The following PRRC2C variants were observed in gnomAD, a reference collection of about 807,000 sequenced individuals.
PRRC2C encodes the protein proline rich coiled-coil 2C.
Under a neutral mutation model 317.2 loss-of-function variants are expected in PRRC2C, and 72 were observed. The observed-to-expected ratio is 0.23, with a 90% confidence interval of 0.19 to 0.28. PRRC2C has a LOEUF of 0.28. Ranked by LOEUF, PRRC2C falls within the 10% of genes least tolerant of loss-of-function variation. The probability of loss-of-function intolerance (pLI) is 1.00; values close to 1 mark genes in which losing one functional copy is unlikely to be tolerated. For synonymous variants in PRRC2C, 1,296 were observed against 1,205.9 expected (o/e 1.07, Z -1.55); for missense variants, 3,074 against 3,459.7 (o/e 0.89, Z 2.80).
intron 11 of PRRC2C, 126 bp from the exon 12 acceptor site, chr1:171,532,217 T>A: frequency 1.0e-6 from 1 of 984,676 alleles, no homozygotes; most frequent in Non-Finnish European, 1.5e-6. Flanking sequence ...GTGTTTTCAT[T>A]TTAATGTGTA....
At chr1:171,555,046 C>T (rs1437802634) in intron 18 of PRRC2C, among the ~76,000 whole-genome samples, 10 of 152,162 alleles carry the variant, frequency 6.6e-5, no homozygotes, top group African/African-American at 1.9e-4. Context: ...GGATAATATC[C>T]GGAAGAATGT....
intron 25 of PRRC2C, among the ~76,000 whole-genome samples, chr1:171,575,688 T>C (rs372989562): frequency 6.6e-5 from 10 of 152,232 alleles, no homozygotes; most frequent in African/African-American, 2.4e-4. Context: ...TGTAATCTTT[T>C]CATTGAACTA....
chr1:171,591,431 A>G, intron 34 of PRRC2C, 156 bp from the exon 35 acceptor site: 1 of 767,418 alleles, frequency 1.3e-6, no homozygotes, highest in South Asian at 2.9e-5. Flanking sequence ...AAATCTATTC[A>G]TTAAAAGCTC....
At chr1:171,494,324 A>G (rs1166435726) in intron 1 of PRRC2C, among the ~76,000 whole-genome samples, 1 of 152,226 alleles carries the variant, frequency 6.6e-6, no homozygotes, top group Non-Finnish European at 1.5e-5. Flanking sequence ...TATCCTGATT[A>G]GAACTCCAGC....
intron 27 of PRRC2C, 124 bp downstream of exon 27, chr1:171,579,590 C>T: frequency 7.1e-7 from 1 of 1,417,426 alleles, no homozygotes; most frequent in Non-Finnish European, 9.2e-7. Context: ...GCTTGATATT[C>T]TATAAGCAAA....
Position 171,535,420 on chromosome 1 carries a change from T to C in PRRC2C, c.1874-8T>C, listed in dbSNP as rs1319350768. On this transcript the variant is annotated splice_polypyrimidine_tract_variant and splice_region_variant and intron_variant, in intron 12 of 34. Coordinates refer to ENST00000647382, the MANE Select transcript of PRRC2C (RefSeq NM_001387844.1). ...AATACTATTACCTTTCACCTTTTCT[T>C]TGAGCAGAGGAGGAACCCGTTTTCA... 1 of 1,608,756 alleles carries C rather than the reference T, an allele frequency of 6.2e-7. No individual in the cohort carries two copies. The highest frequency in any genetic ancestry group is 2.2e-5 in the East Asian group (1 of 44,822).
Position 171,589,307 on chromosome 1 carries a change from A to AG in PRRC2C, c.8200-61dup. On this transcript the variant is annotated intron_variant, in intron 33 of 34. Coordinates refer to ENST00000647382, the MANE Select transcript of PRRC2C (RefSeq NM_001387844.1). ...GATGAGCCAACCTGGTCTAGTTGGC[A>AG]GTTTTTTTTTTTTTTTTTTTTTTAA... 3.2e-5 allele frequency: 19 copies of AG among 600,750 alleles called. No homozygotes were observed. In the East Asian group the frequency reaches 9.6e-4, roughly 30 times the overall value. The allele number at this position is 600,750 out of a possible 1,614,324, so 37.2% of individuals were successfully genotyped here.
chr1:171,545,507 A>G lies in PRRC2C; in HGVS notation c.4792A>G (p.Thr1598Ala), dbSNP rs768351984. 1.3e-6 allele frequency: 2 copies of G among 1,578,644 alleles called. No individual in the cohort carries two copies. Among genetic ancestry groups the G allele is most frequent in the Non-Finnish European group, 8.6e-7 (1 of 1,161,632 alleles). ...GPFDDQPAGT[T>A]GVDLINGSSA... ...ATTTGATGACCAGCCTGCAGGCACA[A>G]CTGGGGTTGACCTCATCAATGGCAG... The change falls in exon 17 of 35, where the codon ACT (threonine) becomes GCT (alanine). Residue 1598 changes from threonine to alanine, a missense_variant. Thr to Ala is a moderately conservative substitution (Grantham distance 58). Transcript: ENST00000647382.
Position 171,524,890 on chromosome 1 carries a change from T to G in PRRC2C, c.1125T>G (p.Thr375=). The change falls in exon 10 of 35, where the codon ACT becomes ACG. Residue 375 remains threonine, a synonymous_variant. Coordinates refer to ENST00000647382, the MANE Select transcript of PRRC2C (RefSeq NM_001387844.1). ...NKKETDEVSN[T]KSSSQIPAQP... is the part of the protein sequence containing the mutation. ...AAGAAACAGATGAAGTTTCCAACAC[T>G]AAATCATCTTCCCAAATACCTGCCC... The G allele has an allele frequency of 1.2e-6, 2 of 1,610,264 alleles. No homozygotes were observed. The highest frequency in any genetic ancestry group is 1.7e-6 in the Non-Finnish European group (2 of 1,177,928).
chr1:171,590,294 C>G (rs973491633), intron 34 of PRRC2C, among the ~76,000 whole-genome samples: 1 of 152,184 alleles, frequency 6.6e-6, no homozygotes, highest in African/African-American at 2.4e-5. Context: ...ATGAGGTTTG[C>G]TAATGCAGAA....
Position 171,571,402 on chromosome 1 carries a change from C to T in PRRC2C, c.6734C>T (p.Thr2245Ile). Residue 2245 changes from threonine (T) to isoleucine (I), a missense_variant, in exon 24 of 35, where the codon ACT becomes ATT. Coordinates refer to ENST00000647382, the MANE Select transcript of PRRC2C (RefSeq NM_001387844.1). ...AGCCTAACTTCAGTTCCTCCCACTACTTTCAGCCTCACCTTCAAGGTATGT... is the reference window on the plus strand; with the variant it reads ...AGCCTAACTTCAGTTCCTCCCACTATTTTCAGCCTCACCTTCAAGGTATGT... ...SSSLTSVPPTTFSLTFKMESA... is the reference protein window; with the variant it reads ...SSSLTSVPPTIFSLTFKMESA... 3 of 1,603,410 alleles carry T rather than the reference C, an allele frequency of 1.9e-6. No homozygotes were observed. In the South Asian group the frequency reaches 3.3e-5, roughly 18 times the overall value.
rs746536452 is a variant in PRRC2C at position 171,541,376 on chromosome 1, C to T, written c.3910C>T (p.His1304Tyr). The change falls in exon 16 of 35, where the codon CAT (histidine) becomes TAT (tyrosine). Residue 1304 changes from histidine (H) to tyrosine (Y), a missense_variant. Physicochemically the swap from His to Tyr is moderately conservative, Grantham distance 83. This residue lies in a region of PRRC2C where 1,320 missense variants were observed against 1,395.7 expected (regional missense o/e 0.95). Coordinates refer to ENST00000647382, the MANE Select transcript of PRRC2C (RefSeq NM_001387844.1). The surrounding 1 kb of genome is among the most constrained non-coding windows in gnomAD (Gnocchi z 4.1). ...RPENKKPVKP[H>Y]SSFKPDNHVR... ...TGAAAACAAAAAACCTGTAAAGCCT[C>T]ATTCTTCTTTCAAGCCTGATAATCA... The T allele has an allele frequency of 1.9e-6, 3 of 1,612,844 alleles. No homozygotes were observed. The South Asian group carries it at 3.3e-5, about 18-fold the overall frequency.
At chr1:171,519,632 A>G (rs1673168732) in intron 6 of PRRC2C, among the ~76,000 whole-genome samples, 1 of 152,038 alleles carries the variant, frequency 6.6e-6, no homozygotes, top group South Asian at 2.1e-4. Context: ...CTTTCAGCCC[A>G]ATGTGAAGTT....
At position 171,540,459 on chromosome 1, in the gene PRRC2C, G is replaced by T; in HGVS notation, c.2993G>T (p.Arg998Leu). 1 of 1,613,026 alleles carries T rather than the reference G, an allele frequency of 6.2e-7. No homozygotes were observed. Among genetic ancestry groups the T allele is most frequent in the Non-Finnish European group, 8.5e-7 (1 of 1,179,554 alleles). Residue 998 changes from arginine (R) to leucine (L), a missense_variant, in exon 16 of 35, where the codon CGA becomes CTA. Arg to Leu is a moderately radical substitution (Grantham distance 102). Transcript: ENST00000647382. The stretch of plus-strand genomic sequence containing the variant: ...AAATCAGAAACTCGTTGGGGCCCAC[G>T]ACCAAGCTCTAACAGAAGGGAAGAA... ...KSKSETRWGP[R>L]PSSNRREEVN... is the part of the protein sequence containing the mutation.
chr1:171,545,354 C>T, intron 16 of PRRC2C, 125 bp from the exon 17 acceptor site: 1 of 763,712 alleles, frequency 1.3e-6, no homozygotes, highest in Non-Finnish European at 2.1e-6. Context: ...TGTTTGGTTA[C>T]AGTTAAGAGT....
At chr1:171,585,828 T>TG (rs1196448214) in intron 30 of PRRC2C, among the ~76,000 whole-genome samples, 1 of 152,130 alleles carries the variant, frequency 6.6e-6, no homozygotes, top group Non-Finnish European at 1.5e-5. Flanking sequence ...CTTACCGAAA[T>TG]GCTTGGGACC....
At chr1:171,542,374 A>T (rs1678101530) in intron 16 of PRRC2C, 145 bp downstream of exon 16, 3 of 813,628 alleles carry the variant, frequency 3.7e-6, no homozygotes, top group Non-Finnish European at 5.6e-6. Context: ...TCTGTTCTCA[A>T]AGTGTAAGGG....
intron 28 of PRRC2C, among the ~76,000 whole-genome samples, chr1:171,581,999 GGTTTGGTTTTGGTTTA>G (rs1648722022): frequency 6.6e-6 from 1 of 151,524 alleles, no homozygotes; most frequent in South Asian, 2.1e-4. Flanking sequence ...GTTTTGGCTT[GGTTTGGTTTTGGTTTA>G]TGTTCTTGTT....
intron 6 of PRRC2C, among the ~76,000 whole-genome samples, chr1:171,519,760 T>C (rs1207768106): frequency 6.6e-6 from 1 of 152,208 alleles, no homozygotes; most frequent in Non-Finnish European, 1.5e-5. Context: ...ACTCCTAATA[T>C]TTGAATCCTA....
Sources: allele counts gnomAD v4.1 joint callset (sites outside exome capture counted in the v4.1 genomes callset), GRCh38; gene constraint gnomAD v4.1.1; regional missense constraint gnomAD v4.1.1; non-coding constraint Gnocchi (gnomAD v3.1); transcripts MANE v1.5; gene names NCBI Gene and HGNC (gene_info 2026-07-23, HGNC 2026-07-21).